Variants in MAP4K2 observed in about 807,000 individuals in gnomAD.
MAP4K2 encodes B lymphocyte serine/threonine protein kinase.
Under a neutral mutation model 125.3 loss-of-function variants are expected in MAP4K2, and 85 were observed. The ratio of observed to expected loss-of-function variants is 0.68; its 90% CI spans 0.57 to 0.81. MAP4K2 has a LOEUF of 0.81. Among genes scored for constraint, MAP4K2 ranks in the 40% least tolerant of loss-of-function variants. MAP4K2 has a pLI of 0.00. For missense variants in MAP4K2, 923 were observed against 1,056.4 expected (o/e 0.87, Z 1.75); for synonymous variants, 479 against 445.1 (o/e 1.08, Z -0.96).
At position 64,797,363 on chromosome 11, in the gene MAP4K2, G is replaced by C; in HGVS notation, c.1188C>G (p.Asp396Glu). ...CCCGCTTGATGGTTCCCATGGTATCGTCTGGGGAGTCCAGCTCCTGGTAGG... is the reference window on the plus strand; with the variant it reads ...CCCGCTTGATGGTTCCCATGGTATCCTCTGGGGAGTCCAGCTCCTGGTAGG... ...ASEFQELDSPDDTMGTIKRAP... is the reference protein window; with the variant it reads ...ASEFQELDSPEDTMGTIKRAP... The change falls in exon 18 of 32, where the codon GAC (aspartate) becomes GAG (glutamate). Residue 396 changes from aspartate (D) to glutamate (E), a missense_variant. Coordinates refer to ENST00000294066, the MANE Select transcript of MAP4K2 (RefSeq NM_004579.5). The C allele has an allele frequency of 6.3e-7, 1 of 1,589,860 alleles. No homozygotes were observed. Among genetic ancestry groups the C allele is most frequent in the East Asian group, 2.3e-5 (1 of 43,818 alleles).
chr11:64,800,878 GA>G, intron 9 of MAP4K2, 21 bp downstream of exon 9: 1 of 1,613,988 alleles, frequency 6.2e-7, no homozygotes, highest in Non-Finnish European at 8.5e-7. Context: ...AGGGTCAGGT[GA>G]GGGGCAAGTG....
intron 25 of MAP4K2, 33 bp downstream of exon 25, chr11:64,792,331 G>GGCCCCCCCC: frequency 1.3e-6 from 2 of 1,535,436 alleles, no homozygotes; most frequent in African/African-American, 1.4e-5. Context: ...CCCCCACCAG[G>GGCCCCCCCC]CCCCGCCCCA....
rs1565618849 is a variant in MAP4K2, at chr11:64,797,620, C to T, written c.1136+6G>A. 1 of 1,580,772 alleles carries T rather than the reference C, an allele frequency of 6.3e-7. No homozygotes were observed. The highest frequency in any genetic ancestry group is 1.2e-5 in the South Asian group (1 of 86,614). On this transcript the variant is annotated splice_donor_region_variant and intron_variant, in intron 16 of 31. Coordinates refer to ENST00000294066, the MANE Select transcript of MAP4K2 (RefSeq NM_004579.5). Reference sequence around the variant, plus strand: ...CTTGCCCCTCCCCCAGGCCCACATCCCTCACCTTTCCTCCAGGGCCTCCTG... The same window carrying T: ...CTTGCCCCTCCCCCAGGCCCACATCTCTCACCTTTCCTCCAGGGCCTCCTG...
intron 27 of MAP4K2, among the ~76,000 whole-genome samples, chr11:64,791,005 A>T (rs1049596148): frequency 6.6e-6 from 1 of 152,176 alleles, no homozygotes; most frequent in Non-Finnish European, 1.5e-5. Flanking sequence ...ACGTGGTGGC[A>T]CATGCTTGTA....
intron 12 of MAP4K2, 32 bp downstream of exon 12, chr11:64,800,077 C>G (rs1941067825): frequency 6.5e-7 from 1 of 1,534,228 alleles, no homozygotes; most frequent in African/African-American, 1.4e-5. Context: ...GCAGACCAGC[C>G]CAAGACTCAC....
intron 29 of MAP4K2, 70 bp downstream of exon 29, chr11:64,790,118 C>T (rs920937961): frequency 6.3e-7 from 1 of 1,581,832 alleles, no homozygotes; most frequent in East Asian, 2.3e-5. Context: ...CTACCGCCAG[C>T]CCCAGGCCCC....
intron 5 of MAP4K2, 119 bp downstream of exon 5, chr11:64,801,947 T>C: frequency 8.3e-7 from 1 of 1,202,770 alleles, no homozygotes; most frequent in Non-Finnish European, 1.2e-6. Context: ...CCCCAGGACC[T>C]ACAGCCCCTC....
Position 64,797,297 on chromosome 11 carries a change from C to T in MAP4K2, c.1254G>A (p.Glu418=). ...LGPLPTDPPA[E]EPLSSPPGTL... ...CACCTGGGGGACTGGACAGAGGCTC[C>T]TCTGCTGGAGGGTCAGTGGGGAGTG... is the stretch of plus-strand genomic sequence containing the variant. The change falls in exon 18 of 32, where the codon GAG becomes GAA. Residue 418 remains glutamate, a synonymous_variant. Coordinates refer to ENST00000294066, the MANE Select transcript of MAP4K2 (RefSeq NM_004579.5). 1 of 1,602,090 alleles carries T rather than the reference C, an allele frequency of 6.2e-7. No homozygotes were observed.
intron 15 of MAP4K2, among the ~76,000 whole-genome samples, chr11:64,798,254 C>T (rs1280124523): frequency 6.6e-6 from 1 of 152,134 alleles, no homozygotes; most frequent in African/African-American, 2.4e-5. Flanking sequence ...CAACCTCCGC[C>T]TCCCGGGTTC....
intron 9 of MAP4K2, 28 bp downstream of exon 9, chr11:64,800,872 T>A: frequency 6.2e-7 from 1 of 1,613,746 alleles, no homozygotes; most frequent in East Asian, 2.2e-5. Flanking sequence ...AGATCAAGGG[T>A]CAGGTGAGGG....
intron 24 of MAP4K2, among the ~76,000 whole-genome samples, chr11:64,795,694 G>A (rs949437876): frequency 1.3e-5 from 2 of 152,046 alleles, no homozygotes; most frequent in Non-Finnish European, 1.5e-5. Context: ...GAGCCCCCCC[G>A]CCCAGACTTT....
rs574411903 is a variant in MAP4K2 at position 64,800,837 on chromosome 11, C to T, written c.663-11G>A. On this transcript the variant is annotated splice_polypyrimidine_tract_variant and intron_variant, in intron 9 of 31. Transcript: ENST00000294066. ...ATGAGCATCAGGGCCCTGTGGAGGG[C>T]GCGAGGTCAGGGGCCACAGGCCGCA... 7.4e-6 allele frequency: 12 copies of T among 1,613,004 alleles called. No individual in the cohort carries two copies. The highest frequency in any genetic ancestry group is 4.5e-5 in the East Asian group (2 of 44,852).
intron 7 of MAP4K2, 150 bp downstream of exon 7, chr11:64,801,429 C>T: frequency 1.0e-6 from 1 of 955,926 alleles, no homozygotes; most frequent in Non-Finnish European, 1.6e-6. Flanking sequence ...TATTTTCCAG[C>T]AGGGAGGGAG....
chr11:64,800,611 C>A (rs1422510084), intron 10 of MAP4K2, among the ~76,000 whole-genome samples, 153 bp downstream of exon 10: 1 of 152,266 alleles, frequency 6.6e-6, no homozygotes, highest in Non-Finnish European at 1.5e-5. Context: ...GGGTCTTCAA[C>A]CCACAGAAGG....
Position 64,791,912 on chromosome 11 carries a change from G to T in MAP4K2, c.2089C>A (p.Pro697Thr). The T allele has an allele frequency of 6.3e-7, 1 of 1,585,530 alleles. No individual in the cohort carries two copies. The highest frequency in any genetic ancestry group is 8.6e-7 in the Non-Finnish European group (1 of 1,164,232). ...GCAGCCTGGCCCTTCTGCTCACCAG[G>T]TGGGATGAGGATGTCGGGCGTCAGG... ...AGLTPDILIP[P>T]EGIPGSAQQV... Residue 697 changes from proline to threonine, a missense_variant, in exon 27 of 32, where the codon CCT (proline) becomes ACT (threonine). By Grantham distance (38) the Pro-to-Thr change is conservative. Coordinates refer to ENST00000294066, the MANE Select transcript of MAP4K2 (RefSeq NM_004579.5).
rs1452206681 is a variant in MAP4K2 at position 64,803,198 on chromosome 11, C to CCGGCGCGGGG, written c.-59_-50dup. ...AGGCGGGCGGGCGCGAGCTGCGGAG[C>CCGGCGCGGGG]CGGCGCGGGGCGGCGCGGGGCGGGG... On this transcript the variant is annotated 5_prime_UTR_variant, in exon 1 of 32. Coordinates refer to ENST00000294066, the MANE Select transcript of MAP4K2 (RefSeq NM_004579.5). The CCGGCGCGGGG allele has an allele frequency of 6.0e-4, 510 of 854,194 alleles. 3 individuals carry two copies. In the African/African-American group the frequency reaches 7.6e-3, roughly 13 times the overall value. 52.9% of individuals were successfully genotyped at this position (854,194 alleles called of 1,614,324 possible).
intron 27 of MAP4K2, among the ~76,000 whole-genome samples, chr11:64,791,696 G>A (rs1177959981): frequency 2.0e-5 from 3 of 152,212 alleles, no homozygotes; most frequent in African/African-American, 4.8e-5. Context: ...TAGCTGCCAA[G>A]CCCTTCCGTC....
chr11:64,791,972 G>T lies in MAP4K2; in HGVS notation c.2029C>A (p.Arg677Ser). The part of the protein sequence containing the change: ...GAEGPEGPGC[R>S]VLFHVLPLEA... ...AGGGGCAGGACATGGAACAGGACGC[G>T]GCAGCCGGGCCCCTCAGGCCCCTCG... The change falls in exon 27 of 32, where the codon CGC (arginine) becomes AGC (serine). Residue 677 changes from arginine (R) to serine (S), a missense_variant. Arg to Ser is a moderately radical substitution (Grantham distance 110). Coordinates refer to ENST00000294066, the MANE Select transcript of MAP4K2 (RefSeq NM_004579.5). 1 of 1,604,732 alleles carries T rather than the reference G, an allele frequency of 6.2e-7. No individual in the cohort carries two copies. The highest frequency in any genetic ancestry group is 1.7e-5 in the Admixed American group (1 of 59,072).
At position 64,786,831 on chromosome 11, in the gene MAP4K2, A is replaced by C. The variant is rs1042499364; in HGVS notation, c.*2706T>G. On this transcript the variant is annotated 3_prime_UTR_variant, in exon 32 of 32. Coordinates refer to ENST00000294066, the MANE Select transcript of MAP4K2 (RefSeq NM_004579.5). ...AGTAAAAACAACTCAAATTTCCACC[A>C]ATAGGGATCTCACTGCAGGTCATTA... is the stretch of plus-strand genomic sequence containing the variant. The C allele has an allele frequency of 2.0e-5, 3 of 152,018 alleles. No homozygotes were observed. Among genetic ancestry groups the C allele is most frequent in the African/African-American group, 7.3e-5 (3 of 41,370 alleles). The allele number at this position is 152,018 out of a possible 1,614,324, so 9.4% of individuals were successfully genotyped here. A position where few individuals can be genotyped will look rare whatever the true frequency, so the allele number is the denominator to read the frequency against.
Sources: allele counts gnomAD v4.1 joint callset (sites outside exome capture counted in the v4.1 genomes callset), GRCh38; gene constraint gnomAD v4.1.1; transcripts MANE v1.5; gene names NCBI Gene and HGNC (gene_info 2026-07-23, HGNC 2026-07-21).